The following CSMD1 variants were observed in gnomAD, a reference collection of about 807,000 sequenced individuals.
The protein encoded by CSMD1 is CUB and Sushi multiple domains 1.
CSMD1 carries 213 observed loss-of-function variants against 417.5 expected under a neutral mutation model. The observed-to-expected ratio is 0.51, with a 90% CI of 0.46 to 0.57. CSMD1 has a LOEUF of 0.57. Ranked by LOEUF, CSMD1 falls within the 20% of genes least tolerant of loss-of-function variation. CSMD1 has a pLI of 0.00. For synonymous variants in CSMD1, 2,862 were observed against 1,736.8 expected (o/e 1.65, Z -16.11); for missense variants, 6,923 against 4,529.7 (o/e 1.53, Z -15.17).
At chr8:3,237,222 C>T (rs759679297) in intron 26 of CSMD1, among the ~76,000 whole-genome samples, 78 of 151,426 alleles carry the variant, frequency 5.2e-4, no homozygotes, top group Non-Finnish European at 9.9e-4. Context: ...AATCCTAGCA[C>T]TTTGGGAGGC....
At chr8:4,917,067 G>A (rs768958996) in intron 1 of CSMD1, among the ~76,000 whole-genome samples, 8 of 152,092 alleles carry the variant, frequency 5.3e-5, no homozygotes, top group Non-Finnish European at 8.8e-5. Context: ...GCTCAGGTTC[G>A]GTAGACTATC....
At chr8:4,948,599 T>C (rs1253605081) in intron 1 of CSMD1, among the ~76,000 whole-genome samples, 2 of 152,092 alleles carry the variant, frequency 1.3e-5, no homozygotes, top group Non-Finnish European at 2.9e-5. Context: ...TTTTCAATGG[T>C]GTCCTTCTCA....
At chr8:4,009,460 A>G (rs1324527543) in intron 4 of CSMD1, among the ~76,000 whole-genome samples, 1 of 152,238 alleles carries the variant, frequency 6.6e-6, no homozygotes, top group Admixed American at 6.5e-5. Flanking sequence ...TAAATAAGCT[A>G]TGATACATTC....
intron 15 of CSMD1, among the ~76,000 whole-genome samples, chr8:3,404,822 G>C (rs931954950): frequency 6.6e-6 from 1 of 151,958 alleles, no homozygotes; most frequent in African/African-American, 2.4e-5. Context: ...GAGACGCTTT[G>C]AGCTTATGAT....
intron 3 of CSMD1, among the ~76,000 whole-genome samples, chr8:4,136,508 A>G (rs1367352072): frequency 6.6e-6 from 1 of 152,220 alleles, no homozygotes; most frequent in South Asian, 2.1e-4. Flanking sequence ...ACTGTCCACT[A>G]CAGCAATAGC....
At chr8:3,288,293 G>C (rs149101832) in intron 25 of CSMD1, among the ~76,000 whole-genome samples, 2 of 146,992 alleles carry the variant, frequency 1.4e-5, no homozygotes, top group South Asian at 4.2e-4. Flanking sequence ...GCCAGGCTTT[G>C]GTATGAGGAT....
intron 5 of CSMD1, among the ~76,000 whole-genome samples, chr8:3,854,617 A>G (rs1804163886): frequency 6.6e-6 from 1 of 152,074 alleles, no homozygotes. Flanking sequence ...TAAATCTGGT[A>G]GCTCCATTGT....
At chr8:3,280,330 A>G (rs1487053503) in intron 26 of CSMD1, among the ~76,000 whole-genome samples, 1 of 152,240 alleles carries the variant, frequency 6.6e-6, no homozygotes, top group Non-Finnish European at 1.5e-5. Flanking sequence ...AAGTAAAAAT[A>G]ACAGAGACAA....
chr8:3,896,210 C>T (rs950889726), intron 5 of CSMD1, among the ~76,000 whole-genome samples: 1 of 152,250 alleles, frequency 6.6e-6, no homozygotes, highest in East Asian at 1.9e-4. Flanking sequence ...AAACATCTTC[C>T]AATTCTATAG....
intron 3 of CSMD1, among the ~76,000 whole-genome samples, chr8:4,080,198 C>T (rs753673357): frequency 1.3e-5 from 2 of 152,038 alleles, no homozygotes; most frequent in Non-Finnish European, 2.9e-5. Flanking sequence ...TTCATTCTAG[C>T]TCCCCAGTAG....
chr8:3,825,617 G>C lies in CSMD1; in HGVS notation c.819-71575C>G, dbSNP rs73658295. Among the ~76,000 whole-genome samples, 210 of 152,188 alleles carry C rather than the reference G, an allele frequency of 1.4e-3. 2 individuals are homozygous for C. Among genetic ancestry groups the C allele is most frequent in the African/African-American group, 4.3e-3 (177 of 41,524 alleles). On this transcript the variant is annotated intron_variant, in intron 5 of 69. Coordinates refer to ENST00000635120, the MANE Select transcript of CSMD1 (RefSeq NM_033225.6). The stretch of plus-strand genomic sequence containing the variant: ...AAGGGATTAATAGAAGAGTACAGTT[G>C]GTTCTTAGGAAATAAAAGACAACAG...
At chr8:4,373,245 G>C (rs915815180) in intron 3 of CSMD1, among the ~76,000 whole-genome samples, 1 of 152,168 alleles carries the variant, frequency 6.6e-6, no homozygotes, top group African/African-American at 2.4e-5. Context: ...GCCAAGAGGA[G>C]CCTACGAAGG....
At chr8:4,986,825 G>A (rs1273752371) in intron 1 of CSMD1, among the ~76,000 whole-genome samples, 2 of 152,114 alleles carry the variant, frequency 1.3e-5, no homozygotes, top group African/African-American at 2.4e-5. Context: ...TCATAGTATA[G>A]TATATTCTTC....
At chr8:4,978,730 T>C (rs1056420132) in intron 1 of CSMD1, among the ~76,000 whole-genome samples, 1 of 151,964 alleles carries the variant, frequency 6.6e-6, no homozygotes, top group African/African-American at 2.4e-5. Flanking sequence ...TTGAGGTCAG[T>C]AGTTCGAGAC....
chr8:4,954,129 G>A (rs1352270552), intron 1 of CSMD1, among the ~76,000 whole-genome samples: 1 of 151,938 alleles, frequency 6.6e-6, no homozygotes, highest in Non-Finnish European at 1.5e-5. Flanking sequence ...ATTTCTAAAT[G>A]CCAAAGAGTA....
intron 2 of CSMD1, among the ~76,000 whole-genome samples, chr8:4,613,947 T>C (rs991400411): frequency 2.0e-5 from 3 of 152,148 alleles, no homozygotes; most frequent in Admixed American, 2.0e-4. Context: ...TTCTTTTGTA[T>C]TGTGAATTTT....
chr8:4,343,335 T>C (rs1203325114), intron 3 of CSMD1, among the ~76,000 whole-genome samples: 1 of 152,058 alleles, frequency 6.6e-6, no homozygotes, highest in Non-Finnish European at 1.5e-5. Flanking sequence ...AATGAATACA[T>C]TCCGGAGATC....
chr8:4,452,983 C>T (rs1440613273), intron 2 of CSMD1, among the ~76,000 whole-genome samples: 1 of 152,120 alleles, frequency 6.6e-6, no homozygotes, highest in Non-Finnish European at 1.5e-5. Context: ...TCTGGAGTTG[C>T]AGAGACTGTT....
chr8:4,456,259 A>T (rs1203307951), intron 2 of CSMD1, among the ~76,000 whole-genome samples: 1 of 152,146 alleles, frequency 6.6e-6, no homozygotes, highest in African/African-American at 2.4e-5. Flanking sequence ...AGTATGTAAC[A>T]GAAAAGATGT....
Sources: gnomAD v4.1 joint callset for allele counts (sites outside exome capture counted in the v4.1 genomes callset) on GRCh38, gnomAD v4.1.1 for gene constraint, MANE v1.5 for transcripts, NCBI Gene and HGNC (gene_info 2026-07-23, HGNC 2026-07-21) for gene names.